Variants in CEP112 observed in about 807,000 individuals in gnomAD.
CEP112 encodes the protein centrosomal protein of 112 kDa.
A neutral mutation model predicts 153.0 loss-of-function variants in CEP112; 127 were observed. The ratio of observed to expected loss-of-function variants is 0.83; its 90% confidence interval spans 0.72 to 0.96. The LOEUF is 0.96. Among genes scored for constraint, CEP112 ranks in the 40% least tolerant of loss-of-function variants. The probability of loss-of-function intolerance (pLI) is 0.00; values close to 1 mark genes in which losing one functional copy is unlikely to be tolerated. For synonymous variants in CEP112, 358 were observed against 374.4 expected, an observed-to-expected ratio of 0.96 and a Z score of 0.51; for missense variants, 1,089 against 1,101.2, an observed-to-expected ratio of 0.99 and a Z score of 0.16.
At chr17:65,970,023 G>C (rs931563227) in intron 17 of CEP112, among the ~76,000 whole-genome samples, 2 of 152,046 alleles carry the variant, frequency 1.3e-5, no homozygotes, top group Non-Finnish European at 2.9e-5. Flanking sequence ...TTGCGAACAT[G>C]CACGCCACAT....
At chr17:65,645,301 T>A (rs543194695) in intron 24 of CEP112, among the ~76,000 whole-genome samples, 2 of 152,250 alleles carry the variant, frequency 1.3e-5, no homozygotes, top group East Asian at 1.9e-4. Flanking sequence ...ACTCCTGGAC[T>A]CAACCAATCT....
At chr17:66,189,156 T>C (rs1283786714) in intron 1 of CEP112, among the ~76,000 whole-genome samples, 1 of 152,206 alleles carries the variant, frequency 6.6e-6, no homozygotes, top group Non-Finnish European at 1.5e-5. Context: ...CCCTCAGATT[T>C]ATTATATTGG....
At chr17:66,099,304 G>C (rs1310143735) in intron 6 of CEP112, among the ~76,000 whole-genome samples, 4 of 152,090 alleles carry the variant, frequency 2.6e-5, no homozygotes, top group African/African-American at 9.7e-5. Flanking sequence ...AGGAGTTCAA[G>C]ACCAGCCTGG....
chr17:65,890,804 C>T (rs371514124), intron 20 of CEP112, among the ~76,000 whole-genome samples: 17 of 145,862 alleles, frequency 1.2e-4, no homozygotes, highest in South Asian at 2.4e-4. Context: ...CACAACAATC[C>T]GGTGATATCA....
intron 24 of CEP112, among the ~76,000 whole-genome samples, chr17:65,653,128 T>C (rs1424344001): frequency 1.3e-5 from 2 of 152,150 alleles, no homozygotes; most frequent in African/African-American, 2.4e-5. Flanking sequence ...TACCATCACA[T>C]TGGGGATTAG....
At chr17:65,992,024 A>AAAC (rs922714590) in intron 17 of CEP112, among the ~76,000 whole-genome samples, 8 of 27,380 alleles carry the variant, frequency 2.9e-4, no homozygotes, top group Non-Finnish European at 5.6e-4. Context: ...ATGTTCCATT[A>AAAC]AAAAAAAAAA....
intron 12 of CEP112, among the ~76,000 whole-genome samples, chr17:66,036,765 T>A (rs1018022654): frequency 9.9e-5 from 15 of 152,210 alleles, no homozygotes; most frequent in Admixed American, 9.8e-4. Flanking sequence ...TCTCCAGGAC[T>A]TTGATATTCT....
At chr17:66,175,333 T>C (rs1449916097) in intron 3 of CEP112, 117 bp from the exon 4 acceptor site, 1 of 642,840 alleles carries the variant, frequency 1.6e-6, no homozygotes, top group African/African-American at 1.9e-5. Context: ...TTCAATTACA[T>C]TCAAACATTT....
At chr17:65,872,874 G>T (rs2058708614) in intron 20 of CEP112, 1 of 152,108 alleles carries the variant, frequency 6.6e-6, no homozygotes, top group African/African-American at 2.4e-5. Context: ...CTTTGTCCAT[G>T]TAACTTCTAC....
At chr17:65,753,194 A>C (rs1340732588) in intron 21 of CEP112, among the ~76,000 whole-genome samples, 1 of 152,186 alleles carries the variant, frequency 6.6e-6, no homozygotes, top group Non-Finnish European at 1.5e-5. Context: ...AGCCCACTCC[A>C]GGCTCACCTC....
chr17:66,084,684 G>C (rs992702508), intron 8 of CEP112, among the ~76,000 whole-genome samples: 4 of 151,794 alleles, frequency 2.6e-5, no homozygotes, highest in Non-Finnish European at 5.9e-5. Flanking sequence ...TGGGAAGGCA[G>C]GGGGGGAGTT....
chr17:65,686,757 T>C (rs2047815148), intron 24 of CEP112, among the ~76,000 whole-genome samples: 1 of 152,198 alleles, frequency 6.6e-6, no homozygotes, highest in Non-Finnish European at 1.5e-5. Flanking sequence ...TGCTTTTCTC[T>C]GCCCATGGAA....
At chr17:66,156,465 C>T (rs4513135) in intron 4 of CEP112, among the ~76,000 whole-genome samples, 37,692 of 151,978 alleles carry the variant, frequency 0.25, 4,838 homozygotes, top group Non-Finnish European at 0.28. Context: ...AAAACCAGAA[C>T]GCCTCTTCTC....
At chr17:65,852,281 C>T (rs1244206716) in intron 20 of CEP112, among the ~76,000 whole-genome samples, 3 of 26,254 alleles carry the variant, frequency 1.1e-4, no homozygotes, top group Non-Finnish European at 2.4e-4. Flanking sequence ...TCCCTCCTTC[C>T]CTTCCCCTCC....
At chr17:65,721,262 G>A (rs1463906957) in intron 23 of CEP112, among the ~76,000 whole-genome samples, 1 of 152,022 alleles carries the variant, frequency 6.6e-6, no homozygotes, top group Non-Finnish European at 1.5e-5. Context: ...TGCCCGCCTT[G>A]GCCTCCCAAA....
chr17:65,945,280 T>C (rs1166871603), intron 18 of CEP112, among the ~76,000 whole-genome samples: 1 of 152,244 alleles, frequency 6.6e-6, no homozygotes, highest in African/African-American at 2.4e-5. Flanking sequence ...CTTATCCATG[T>C]TACTTCTGAT....
At chr17:66,169,489 T>C (rs1408514984) in intron 4 of CEP112, among the ~76,000 whole-genome samples, 2 of 152,044 alleles carry the variant, frequency 1.3e-5, no homozygotes, top group African/African-American at 4.8e-5. Context: ...TTTCACCATA[T>C]TGGCCAAGCT....
At chr17:65,903,378 G>A (rs1259669084) in intron 19 of CEP112, 1 of 152,160 alleles carries the variant, frequency 6.6e-6, no homozygotes, top group Non-Finnish European at 1.5e-5. Context: ...TTATCTTAAA[G>A]CTATAGCATT....
intron 23 of CEP112, among the ~76,000 whole-genome samples, chr17:65,715,215 C>T (rs543559112): frequency 6.6e-6 from 1 of 152,130 alleles, no homozygotes; most frequent in South Asian, 2.1e-4. Context: ...GTTCTAGAGG[C>T]CAAAAGATCA....
Sources: gnomAD v4.1 joint callset for allele counts (sites outside exome capture counted in the v4.1 genomes callset) on GRCh38, gnomAD v4.1.1 for gene constraint, MANE v1.5 for transcripts, NCBI Gene and HGNC (gene_info 2026-07-23, HGNC 2026-07-21) for gene names.